Variants in ARMC3 observed in about 807,000 individuals in gnomAD.
The protein encoded by ARMC3 is armadillo repeat containing 3, also known as armadillo repeat-containing protein 3.
In ARMC3, 74 loss-of-function variants were observed where a neutral mutation model predicts 90.3. The ratio of observed to expected loss-of-function variants is 0.82; its 90% CI spans 0.68 to 0.99. ARMC3 has a LOEUF of 0.99. ARMC3 is among the 50% of genes least tolerant of loss of function. The pLI is 0.00. For synonymous variants in ARMC3, 334 were observed against 361.8 expected (o/e 0.92, Z 0.87); for missense variants, 958 against 1,042.8 (o/e 0.92, Z 1.12).
rs1279842699 is a variant in ARMC3, at chr10:22,998,407, TTAA to T, written c.1425+14_1425+16del. ...TGAAGCCCGGACTGAGGTGAGAATT[TTAA>T]TAACATGTGTTCTCTCATTTTTCTG... On this transcript the variant is annotated intron_variant, in intron 11 of 18. Transcript: ENST00000298032. The T allele has an allele frequency of 4.2e-5, 68 of 1,613,412 alleles. No homozygotes were observed. The highest frequency in any genetic ancestry group is 5.6e-5 in the Non-Finnish European group (66 of 1,179,672).
At chr10:22,990,312 G>A (rs1222756774) in intron 10 of ARMC3, among the ~76,000 whole-genome samples, 2 of 152,180 alleles carry the variant, frequency 1.3e-5, no homozygotes, top group Non-Finnish European at 2.9e-5. Flanking sequence ...TTGAGTGAAA[G>A]GCTTGAGTAG....
At chr10:22,993,960 G>C (rs1345878053) in intron 10 of ARMC3, among the ~76,000 whole-genome samples, 2 of 152,162 alleles carry the variant, frequency 1.3e-5, no homozygotes, top group Non-Finnish European at 2.9e-5. Flanking sequence ...TGTGGGGCTT[G>C]GGCATTTGAA....
chr10:22,999,326 T>C lies in ARMC3; in HGVS notation c.1425+929T>C, dbSNP rs536199422. Among the ~76,000 whole-genome samples the C allele has an allele frequency of 8.8e-4, 134 of 152,302 alleles. 1 individual carries two copies. The highest frequency in any genetic ancestry group is 3.1e-3 in the African/African-American group (130 of 41,574). ...ACTTTGCGAGGTGGAGGCAGGCGGA[T>C]TGCTTGAGGCCAGGAGTTCGAGGCC... On this transcript the variant is annotated intron_variant, in intron 11 of 18. Transcript: ENST00000298032.
At chr10:22,941,355 C>T (rs1695771666) in intron 2 of ARMC3, among the ~76,000 whole-genome samples, 1 of 152,104 alleles carries the variant, frequency 6.6e-6, no homozygotes, top group African/African-American at 2.4e-5. Flanking sequence ...CTGAAAATTA[C>T]TGCATTGTAT....
chr10:22,999,163 T>C (rs1309806195), intron 11 of ARMC3, among the ~76,000 whole-genome samples: 1 of 152,228 alleles, frequency 6.6e-6, no homozygotes, highest in Non-Finnish European at 1.5e-5. Flanking sequence ...TTATATTTCT[T>C]ATTTTTAAAA....
intron 8 of ARMC3, among the ~76,000 whole-genome samples, chr10:22,970,077 G>C (rs577886270): frequency 6.6e-6 from 1 of 152,304 alleles, no homozygotes; most frequent in African/African-American, 2.4e-5. Context: ...CCCAGAACAG[G>C]AAAGTAAACA....
chr10:22,978,512 A>G (rs1836039789), intron 8 of ARMC3, among the ~76,000 whole-genome samples: 1 of 152,152 alleles, frequency 6.6e-6, no homozygotes, highest in Non-Finnish European at 1.5e-5. Flanking sequence ...TCAAGATGAG[A>G]TTTGTTTGGG....
At chr10:23,008,228 G>T in intron 14 of ARMC3, 48 bp from the exon 15 acceptor site, 3 of 990,598 alleles carry the variant, frequency 3.0e-6, no homozygotes, top group South Asian at 3.6e-5. Context: ...ACCATCTGTT[G>T]ACAAATAATT....
chr10:22,974,907 G>C (rs972140455), intron 8 of ARMC3, among the ~76,000 whole-genome samples: 10 of 123,484 alleles, frequency 8.1e-5, no homozygotes, highest in Non-Finnish European at 1.2e-4. Context: ...CTCCCGAAGT[G>C]CTGGGATTAT....
chr10:22,966,500 A>C (rs753445570), intron 7 of ARMC3, among the ~76,000 whole-genome samples: 6 of 152,198 alleles, frequency 3.9e-5, no homozygotes, highest in African/African-American at 9.7e-5. Flanking sequence ...GTCTGGGCAT[A>C]GTTTATACTC....
At chr10:22,946,996 T>C (rs972308181) in intron 3 of ARMC3, among the ~76,000 whole-genome samples, 2 of 151,234 alleles carry the variant, frequency 1.3e-5, no homozygotes, top group Non-Finnish European at 2.9e-5. Flanking sequence ...CCCATCTCTA[T>C]ATATAAAAAT....
intron 2 of ARMC3, among the ~76,000 whole-genome samples, chr10:22,936,620 G>A: frequency 6.6e-6 from 1 of 152,020 alleles, no homozygotes; most frequent in Non-Finnish European, 1.5e-5. Context: ...ATTTCTCAAT[G>A]AGCTTGTTGG....
At chr10:23,030,368 T>C (rs74124523) in intron 16 of ARMC3, among the ~76,000 whole-genome samples, 2,120 of 152,206 alleles carry the variant, frequency 0.014, 54 homozygotes, top group African/African-American at 0.048. Context: ...ACAAATACTG[T>C]ATTTTCAGTC....
At chr10:23,034,989 G>A (rs1839070358) in intron 18 of ARMC3, among the ~76,000 whole-genome samples, 1 of 152,160 alleles carries the variant, frequency 6.6e-6, no homozygotes, top group Non-Finnish European at 1.5e-5. Context: ...TATTTGTCAA[G>A]TTGAGCTGCT....
intron 2 of ARMC3, among the ~76,000 whole-genome samples, chr10:22,936,374 T>C (rs903648467): frequency 2.0e-5 from 3 of 152,200 alleles, no homozygotes; most frequent in Non-Finnish European, 4.4e-5. Flanking sequence ...TTGTGGCCTG[T>C]GACTACCATA....
chr10:22,963,398 T>C (rs1402630035), intron 7 of ARMC3, among the ~76,000 whole-genome samples: 1 of 152,078 alleles, frequency 6.6e-6, no homozygotes. Flanking sequence ...AACTGGTATG[T>C]ATATATGTAT....
At chr10:22,955,782 G>A in intron 3 of ARMC3, 25 bp from the exon 4 acceptor site, 2 of 1,612,228 alleles carry the variant, frequency 1.2e-6, no homozygotes, top group Non-Finnish European at 1.7e-6. Flanking sequence ...ATCCATGTGT[G>A]GTTTTGTTTT....
intron 4 of ARMC3, among the ~76,000 whole-genome samples, chr10:22,958,308 A>T (rs1835036887): frequency 6.6e-6 from 1 of 152,198 alleles, no homozygotes; most frequent in Non-Finnish European, 1.5e-5. Flanking sequence ...TGGCATTTCT[A>T]ATAATCAAAT....
intron 8 of ARMC3, among the ~76,000 whole-genome samples, chr10:22,976,310 A>G (rs1408797258): frequency 6.6e-6 from 1 of 152,138 alleles, no homozygotes; most frequent in Non-Finnish European, 1.5e-5. Context: ...GCTCATCTCC[A>G]TCATTTCACC....
Sources: allele counts gnomAD v4.1 joint callset (sites outside exome capture counted in the v4.1 genomes callset), GRCh38; gene constraint gnomAD v4.1.1; transcripts MANE v1.5; gene names NCBI Gene and HGNC (gene_info 2026-07-23, HGNC 2026-07-21).